Variants in INPP5B observed in about 807,000 individuals in gnomAD.
INPP5B encodes the protein inositol polyphosphate-5-phosphatase B, also known as type II inositol 1,4,5-trisphosphate 5-phosphatase.
A neutral mutation model predicts 118.5 loss-of-function variants in INPP5B; 90 were observed. That is an observed-to-expected ratio of 0.76 (90% CI 0.64 to 0.90). The LOEUF (loss-of-function observed/expected upper bound fraction) is 0.90, where lower values mean the gene tolerates loss of function less well. Ranked by LOEUF, INPP5B falls within the 40% of genes least tolerant of loss-of-function variation. INPP5B has a pLI of 0.00. For missense variants in INPP5B, 984 were observed against 1,125.6 expected, an observed-to-expected ratio of 0.87 and a Z score of 1.80; for synonymous variants, 385 against 418.9, an observed-to-expected ratio of 0.92 and a Z score of 0.99.
At chr1:37,906,892 A>C (rs535851264) in intron 7 of INPP5B, among the ~76,000 whole-genome samples, 83 of 151,648 alleles carry the variant, frequency 5.5e-4, no homozygotes, top group African/African-American at 1.9e-3. Context: ...GAAAAAAAAA[A>C]CCTATGGTTA....
At position 37,945,809 on chromosome 1, in the gene INPP5B, G is replaced by T. The variant is rs759982668; in HGVS notation, c.99C>A (p.Ser33Arg). 1 of 1,613,916 alleles carries T rather than the reference G, an allele frequency of 6.2e-7. No homozygotes were observed. Among genetic ancestry groups the T allele is most frequent in the East Asian group, 2.2e-5 (1 of 44,882 alleles). The stretch of plus-strand genomic sequence containing the variant: ...GGTAGCGCACGAGTCCCAGGAGGCG[G>T]CTCTGCCGGCTGTCCCCCTCACACA... ...GVLCEGDSRQSRLLGLVRYRL... is the reference protein window; with the variant it reads ...GVLCEGDSRQRRLLGLVRYRL... Residue 33 changes from serine (S) to arginine (R), a missense_variant, in exon 3 of 24, where the codon AGC becomes AGA. Coordinates refer to ENST00000373024, the MANE Select transcript of INPP5B (RefSeq NM_005540.3).
intron 7 of INPP5B, among the ~76,000 whole-genome samples, chr1:37,913,344 C>CAG (rs1644764001): frequency 7.1e-6 from 1 of 141,060 alleles, no homozygotes; most frequent in Admixed American, 7.0e-5. Context: ...TATATGACAA[C>CAG]ATAAAAAAAC....
intron 7 of INPP5B, among the ~76,000 whole-genome samples, chr1:37,927,409 G>C (rs1645271168): frequency 6.6e-6 from 1 of 152,096 alleles, no homozygotes; most frequent in African/African-American, 2.4e-5. Flanking sequence ...AGAATCACGT[G>C]AACAAGCTGC....
intron 7 of INPP5B, among the ~76,000 whole-genome samples, chr1:37,927,652 T>A (rs1645284063): frequency 6.6e-6 from 1 of 151,558 alleles, no homozygotes. Context: ...TTCTCCTGCC[T>A]CAGCCTCCCG....
At chr1:37,866,665 C>T (rs1642068645) in intron 20 of INPP5B, 122 bp from the exon 21 acceptor site, 1 of 643,470 alleles carries the variant, frequency 1.6e-6, no homozygotes, top group Non-Finnish European at 2.8e-6. Flanking sequence ...CTCTGAATCA[C>T]CTGACAGATG....
intron 15 of INPP5B, 197 bp from the exon 16 acceptor site, chr1:37,878,520 A>G (rs376292103): frequency 2.0e-6 from 2 of 984,604 alleles, no homozygotes. Context: ...AACAACCATG[A>G]AAGCTCAAAG....
At chr1:37,927,769 C>T (rs925257752) in intron 7 of INPP5B, among the ~76,000 whole-genome samples, 1 of 152,076 alleles carries the variant, frequency 6.6e-6, no homozygotes, top group Admixed American at 6.6e-5. Context: ...AATCTCCTGA[C>T]CTCGTGATCC....
chr1:37,887,200 C>T, intron 11 of INPP5B, 151 bp downstream of exon 11: 3 of 716,388 alleles, frequency 4.2e-6, no homozygotes, highest in Non-Finnish European at 7.2e-6. Context: ...TCTTTCCCAC[C>T]CGGAGGCACC....
intron 13 of INPP5B, 145 bp from the exon 14 acceptor site, chr1:37,883,063 T>C (rs1386262312): frequency 3.5e-6 from 5 of 1,437,984 alleles, no homozygotes; most frequent in Non-Finnish European, 4.5e-6. Context: ...AATTTTTTTC[T>C]CTCGCCATCC....
chr1:37,885,762 A>C lies in INPP5B; in HGVS notation c.1195T>G (p.Ser399Ala), dbSNP rs200841995. Residue 399 changes from serine to alanine, a missense_variant, in exon 13 of 24, where the codon TCT becomes GCT. Transcript: ENST00000373024. ...TCTTCAATGTGGGCTGCCAAGTGAG[A>C]ATTCACAACGCAGATGCTGGTGTTG... ...FHNTSICVVNSHLAAHIEEYE... is the reference protein window; with the variant it reads ...FHNTSICVVNAHLAAHIEEYE... 1.9e-6 allele frequency: 3 copies of C among 1,614,152 alleles called. No individual in the cohort carries two copies. The highest frequency in any genetic ancestry group is 3.3e-5 in the Admixed American group (2 of 60,022).
At position 37,943,783 on chromosome 1, in the gene INPP5B, C is replaced by A. The variant is rs780333837; in HGVS notation, c.250+13G>T. On this transcript the variant is annotated intron_variant, in intron 4 of 23. Coordinates refer to ENST00000373024, the MANE Select transcript of INPP5B (RefSeq NM_005540.3). Reference sequence around the variant, plus strand: ...ATAGGAGAGGATTCATACCACCCAGCCCCCTGTGGCACCTTCTTCCAGCGT... The same window carrying A: ...ATAGGAGAGGATTCATACCACCCAGACCCCTGTGGCACCTTCTTCCAGCGT... 1.6e-5 allele frequency: 25 copies of A among 1,612,894 alleles called. No homozygotes were observed. The highest frequency in any genetic ancestry group is 2.0e-5 in the Non-Finnish European group (23 of 1,178,992).
At chr1:37,900,893 C>T (rs1644308898) in intron 7 of INPP5B, among the ~76,000 whole-genome samples, 1 of 151,802 alleles carries the variant, frequency 6.6e-6, no homozygotes, top group Non-Finnish European at 1.5e-5. Flanking sequence ...CTCATTGCAA[C>T]CTCTGCCTCC....
Position 37,941,367 on chromosome 1 carries a change from G to T in INPP5B, c.281-569C>A, listed in dbSNP as rs998634124. 3.3e-5 allele frequency among the ~76,000 whole-genome samples: 5 copies of T among 152,188 alleles called. No individual in the cohort carries two copies. In the East Asian group the frequency reaches 9.6e-4, roughly 29 times the overall value. ...CAGAGCGATTAAGAGTGTGGGCTAG[G>T]CTGGGCACAGTGACCCATGCCTGTA... On this transcript the variant is annotated intron_variant, in intron 5 of 23. Transcript: ENST00000373024.
rs1027649782 is a variant in INPP5B, at chr1:37,921,644, C to G, written c.532+10269G>C. Among the ~76,000 whole-genome samples the G allele has an allele frequency of 3.9e-5, 6 of 152,068 alleles. No individual in the cohort carries two copies. The South Asian group carries it at 1.2e-3, about 31-fold the overall frequency. On this transcript the variant is annotated intron_variant, in intron 7 of 23. Coordinates refer to ENST00000373024, the MANE Select transcript of INPP5B (RefSeq NM_005540.3). ...GGAGGATCACCTGAGGTCAGGAGTTCGAGACCAGTCTGGCCAACGTGGTGA... is the reference window on the plus strand; with the variant it reads ...GGAGGATCACCTGAGGTCAGGAGTTGGAGACCAGTCTGGCCAACGTGGTGA...
chr1:37,911,626 A>C (rs1644701806), intron 7 of INPP5B, among the ~76,000 whole-genome samples: 1 of 152,156 alleles, frequency 6.6e-6, no homozygotes, highest in East Asian at 1.9e-4. Context: ...TTGGGCCCTC[A>C]TTCTTGCAAA....
rs189119448 is a variant in INPP5B at position 37,917,165 on chromosome 1, G to A, written c.532+14748C>T. Reference sequence around the variant, plus strand: ...TTAGCTGGGCATGGTGGTGGGCGCCGATAATCCCAGCTACTCGGGAGGCTG... The same window carrying A: ...TTAGCTGGGCATGGTGGTGGGCGCCAATAATCCCAGCTACTCGGGAGGCTG... On this transcript the variant is annotated intron_variant, in intron 7 of 23. Coordinates refer to ENST00000373024, the MANE Select transcript of INPP5B (RefSeq NM_005540.3). Among the ~76,000 whole-genome samples the A allele has an allele frequency of 1.5e-4, 23 of 148,748 alleles. No individual in the cohort carries two copies. The East Asian group carries it at 4.6e-3, about 29-fold the overall frequency.
chr1:37,932,724 G>T (rs1232406457), intron 6 of INPP5B, among the ~76,000 whole-genome samples: 2 of 152,126 alleles, frequency 1.3e-5, no homozygotes, highest in Non-Finnish European at 2.9e-5. Flanking sequence ...GTCTGAGGTC[G>T]CAGAGTGACT....
At chr1:37,869,385 T>C (rs968131835) in intron 19 of INPP5B, among the ~76,000 whole-genome samples, 1 of 151,944 alleles carries the variant, frequency 6.6e-6, no homozygotes, top group African/African-American at 2.4e-5. Flanking sequence ...ACTCAAGTGA[T>C]CTACCCATCT....
chr1:37,925,169 G>A (rs1252459578), intron 7 of INPP5B, among the ~76,000 whole-genome samples: 1 of 151,234 alleles, frequency 6.6e-6, no homozygotes, highest in East Asian at 1.9e-4. Context: ...GTGAGACTCC[G>A]TCTCAAAAAA....
Sources: gnomAD v4.1 joint callset for allele counts (sites outside exome capture counted in the v4.1 genomes callset) on GRCh38, gnomAD v4.1.1 for gene constraint, MANE v1.5 for transcripts, NCBI Gene and HGNC (gene_info 2026-07-23, HGNC 2026-07-21) for gene names.